PHF14: variants seen among roughly 807,000 people sequenced by gnomAD.
The protein encoded by PHF14 is PHD finger protein 14.
Under a neutral mutation model 117.9 loss-of-function variants are expected in PHF14, and 55 were observed. That is an observed-to-expected ratio of 0.47 (90% CI 0.38 to 0.58). PHF14 has a LOEUF of 0.58. Ranked by LOEUF, PHF14 falls within the 20% of genes least tolerant of loss-of-function variation. PHF14 has a pLI of 0.00. For missense variants in PHF14, 978 were observed against 1,122.2 expected, an observed-to-expected ratio of 0.87 and a Z score of 1.84; for synonymous variants, 409 against 368.6, an observed-to-expected ratio of 1.11 and a Z score of -1.26.
chr7:11,029,653 G>T (rs1016411380), intron 7 of PHF14, among the ~76,000 whole-genome samples: 1 of 152,054 alleles, frequency 6.6e-6, no homozygotes, highest in Non-Finnish European at 1.5e-5. Flanking sequence ...AAAATTTTCA[G>T]TTTTAATTTT....
intron 16 of PHF14, among the ~76,000 whole-genome samples, chr7:11,073,700 C>T (rs780549063): frequency 5.3e-5 from 8 of 152,210 alleles, no homozygotes; most frequent in Non-Finnish European, 7.3e-5. Flanking sequence ...ATTTCCCTTC[C>T]GCACTGCACT....
chr7:11,019,860 C>T (rs1281820755), intron 5 of PHF14, among the ~76,000 whole-genome samples: 1 of 151,972 alleles, frequency 6.6e-6, no homozygotes, highest in East Asian at 1.9e-4. Context: ...ATGTAGGTAC[C>T]TATAGCTATA....
intron 16 of PHF14, among the ~76,000 whole-genome samples, chr7:11,064,487 G>A (rs575457140): frequency 1.3e-5 from 2 of 151,886 alleles, no homozygotes; most frequent in South Asian, 4.2e-4. Context: ...TAAACTTCAT[G>A]GGTCACAATT....
intron 16 of PHF14, among the ~76,000 whole-genome samples, chr7:11,087,494 C>T (rs112421929): frequency 0.012 from 1,856 of 152,174 alleles, 28 homozygotes; most frequent in African/African-American, 0.043. Flanking sequence ...CTGGCCAGCA[C>T]TGTTCTTCTT....
intron 17 of PHF14, among the ~76,000 whole-genome samples, 193 bp downstream of exon 17, chr7:11,111,660 T>C (rs967431603): frequency 5.3e-5 from 8 of 152,154 alleles, no homozygotes; most frequent in Non-Finnish European, 8.8e-5. Context: ...TACTAAATTA[T>C]GTGAATTTTC....
chr7:11,125,294 C>T lies in PHF14; in HGVS notation c.2772+13827C>T, dbSNP rs529319750. On this transcript the variant is annotated intron_variant, in intron 17 of 17. Transcript: ENST00000634607. ...TGTGAAAAGTAACTACAGCCAGCCA[C>T]ACTCAATCCCTTTGCAAAGATAGTT... Among the ~76,000 whole-genome samples the T allele has an allele frequency of 8.5e-5, 13 of 152,216 alleles. No homozygotes were observed. The South Asian group carries it at 1.9e-3, about 22-fold the overall frequency.
chr7:11,093,677 C>G (rs1357360532), intron 16 of PHF14, among the ~76,000 whole-genome samples: 2 of 152,256 alleles, frequency 1.3e-5, no homozygotes, highest in East Asian at 1.9e-4. Context: ...TGGTATTAGC[C>G]AAAGGAGTTC....
intron 12 of PHF14, among the ~76,000 whole-genome samples, chr7:11,042,061 G>A (rs1784519938): frequency 6.6e-6 from 1 of 151,878 alleles, no homozygotes; most frequent in African/African-American, 2.4e-5. Context: ...AATAATAGTA[G>A]CAATCACAAA....
chr7:11,106,253 T>C lies in PHF14; in HGVS notation c.2655-5097T>C, dbSNP rs1787258966. 3.1e-6 allele frequency: 3 copies of C among 968,844 alleles called. No individual in the cohort carries two copies. The South Asian group carries it at 1.4e-4, about 46-fold the overall frequency. 60.0% of individuals were successfully genotyped at this position (968,844 alleles called of 1,614,324 possible). A position where few individuals can be genotyped will look rare whatever the true frequency, so the allele number is the denominator to read the frequency against. ...GATTTGGATTTGGATATTTTTCTAA[T>C]TTTTTAAAATTAATTTTTATGTGTA... is the stretch of plus-strand genomic sequence containing the variant. On this transcript the variant is annotated intron_variant, in intron 16 of 17. Coordinates refer to ENST00000634607, the MANE Select transcript of PHF14 (RefSeq NM_001007157.2).
At chr7:11,106,899 GC>G (rs759715393) in intron 16 of PHF14, 62 of 980,846 alleles carry the variant, frequency 6.3e-5, no homozygotes, top group Non-Finnish European at 7.1e-5. Context: ...ACTTATAGGG[GC>G]TACAAGTAAA....
chr7:10,997,603 C>G (rs1200800884), intron 4 of PHF14, among the ~76,000 whole-genome samples: 7 of 152,210 alleles, frequency 4.6e-5, no homozygotes, highest in Non-Finnish European at 1.0e-4. Context: ...AGGTCAAAGC[C>G]ATAGCCTGGG....
intron 3 of PHF14, among the ~76,000 whole-genome samples, chr7:10,988,680 A>G (rs908835674): frequency 1.3e-5 from 2 of 152,032 alleles, no homozygotes; most frequent in African/African-American, 4.8e-5. Flanking sequence ...CCTCAGTGTA[A>G]TAAATTATCA....
chr7:11,044,369 T>C (rs1022726803), intron 13 of PHF14, among the ~76,000 whole-genome samples: 1 of 152,142 alleles, frequency 6.6e-6, no homozygotes, highest in African/African-American at 2.4e-5. Flanking sequence ...CTGAGGTGTT[T>C]TAGTGAGAGC....
intron 16 of PHF14, among the ~76,000 whole-genome samples, chr7:11,074,632 T>TATC (rs1785760290): frequency 6.6e-6 from 1 of 152,198 alleles, no homozygotes; most frequent in Non-Finnish European, 1.5e-5. Context: ...AAACCTGTGT[T>TATC]ATCACTCTTA....
intron 16 of PHF14, among the ~76,000 whole-genome samples, chr7:11,099,899 A>C (rs1214696616): frequency 6.6e-6 from 1 of 152,044 alleles, no homozygotes; most frequent in Non-Finnish European, 1.5e-5. Context: ...GCAGGGAATG[A>C]GCTTTGTCAA....
At chr7:11,114,993 GT>G (rs1007485273) in intron 17 of PHF14, among the ~76,000 whole-genome samples, 12 of 151,962 alleles carry the variant, frequency 7.9e-5, no homozygotes, top group African/African-American at 2.7e-4. Context: ...AAAGAAATGT[GT>G]TTTCTTCTTT....
intron 16 of PHF14, chr7:11,107,227 C>T (rs1787301033): frequency 3.1e-6 from 3 of 982,950 alleles, no homozygotes; most frequent in Non-Finnish European, 3.6e-6. Flanking sequence ...CAGGTAAACA[C>T]CTGACTAATT....
intron 16 of PHF14, chr7:11,105,954 G>A (rs571398292): frequency 8.1e-6 from 8 of 984,882 alleles, no homozygotes; most frequent in East Asian, 1.1e-4. Context: ...GTTACATGGA[G>A]CTTGAGCTCA....
intron 4 of PHF14, among the ~76,000 whole-genome samples, chr7:10,999,198 C>T (rs1782769604): frequency 6.6e-6 from 1 of 152,210 alleles, no homozygotes; most frequent in Non-Finnish European, 1.5e-5. Context: ...TCACTTTCTT[C>T]TAGCACAATC....
Sources: allele counts gnomAD v4.1 joint callset (sites outside exome capture counted in the v4.1 genomes callset), GRCh38; gene constraint gnomAD v4.1.1; transcripts MANE v1.5; gene names NCBI Gene and HGNC (gene_info 2026-07-23, HGNC 2026-07-21).